The following FABP6 variants were observed in gnomAD, a reference collection of about 807,000 sequenced individuals.
FABP6 encodes the protein fatty acid binding protein 6.
Under a neutral mutation model 14.9 loss-of-function variants are expected in FABP6, and 13 were observed. The observed-to-expected ratio is 0.87, with a 90% confidence interval of 0.57 to 1.39. FABP6 has a LOEUF of 1.39. FABP6 is among the 40% of genes most tolerant of loss of function. FABP6 has a pLI of 0.00. For synonymous variants in FABP6, 75 were observed against 63.6 expected, an observed-to-expected ratio of 1.18 and a Z score of -0.85; for missense variants, 161 against 167.2, an observed-to-expected ratio of 0.96 and a Z score of 0.20.
In FABP6 at chr5:160,232,215, A is replaced by G. The variant is rs1237130448; in HGVS notation, c.185A>G (p.Asn62Ser). 4 of 1,613,246 alleles carry G rather than the reference A, an allele frequency of 2.5e-6. No homozygotes were observed. Among genetic ancestry groups the G allele is most frequent in the Non-Finnish European group, 3.4e-6 (4 of 1,179,666 alleles). ...QHYSGGHTMT[N>S]KFTVGKESNI... is the part of the protein sequence containing the mutation. ...TACTCCGGGGGCCACACCATGACCA[A>G]CAAGTTCACTGTTGGCAAGGAAAGC... The change falls in exon 2 of 4, where the codon AAC becomes AGC. Residue 62 changes from asparagine to serine, a missense_variant. Coordinates refer to ENST00000402432, the MANE Select transcript of FABP6 (RefSeq NM_001445.3).
At chr5:160,221,061 C>T (rs180982146) in intron 3 of FABP6, among the ~76,000 whole-genome samples, 1 of 148,314 alleles carries the variant, frequency 6.7e-6, no homozygotes, top group African/African-American at 2.5e-5. Flanking sequence ...TGCATTCCAG[C>T]CTGGGTGACA....
intron 3 of FABP6, 58 bp from the exon 4 acceptor site, chr5:160,238,548 C>T (rs772896857): frequency 8.7e-5 from 129 of 1,483,108 alleles, no homozygotes; most frequent in Non-Finnish European, 1.0e-4. Context: ...TTCAGCGGTG[C>T]CTCCTGGCTA....
intron 2 of FABP6, chr5:160,199,275 C>A: frequency 9.9e-7 from 1 of 1,007,872 alleles, no homozygotes; most frequent in Admixed American, 1.9e-5. Context: ...ATGCTAATAA[C>A]AGACTTGTCA....
At chr5:160,215,390 G>C (rs1333081712) in intron 3 of FABP6, among the ~76,000 whole-genome samples, 1 of 152,142 alleles carries the variant, frequency 6.6e-6, no homozygotes, top group Non-Finnish European at 1.5e-5. Flanking sequence ...GCAGGTGCCT[G>C]TAATCCCAGC....
upstream of FABP6, among the ~76,000 whole-genome samples, chr5:160,226,577 G>C (rs963727064): frequency 2.6e-5 from 4 of 151,682 alleles, no homozygotes; most frequent in Admixed American, 2.6e-4. Flanking sequence ...CTGGGGCTCT[G>C]TGACTTTGGC....
intron 2 of FABP6, among the ~76,000 whole-genome samples, chr5:160,206,558 T>C (rs1759771615): frequency 6.6e-6 from 1 of 152,194 alleles, no homozygotes; most frequent in Non-Finnish European, 1.5e-5. Context: ...ATACATCATG[T>C]TTCATACATG....
chr5:160,191,275 G>T (rs1458706178), intron 1 of FABP6, among the ~76,000 whole-genome samples: 1 of 151,978 alleles, frequency 6.6e-6, no homozygotes, highest in Non-Finnish European at 1.5e-5. Context: ...AGACCAGCCT[G>T]GCCAACATGG....
At chr5:160,190,766 T>C (rs545761706) in intron 1 of FABP6, among the ~76,000 whole-genome samples, 2 of 152,262 alleles carry the variant, frequency 1.3e-5, no homozygotes, top group South Asian at 2.1e-4. Context: ...TGAATCTATT[T>C]TGGGGCTAGA....
At chr5:160,220,960 G>T (rs1448104483) in intron 3 of FABP6, among the ~76,000 whole-genome samples, 1 of 151,662 alleles carries the variant, frequency 6.6e-6, no homozygotes, top group Non-Finnish European at 1.5e-5. Flanking sequence ...TGGTCTATGG[G>T]GGCCTGTAAT....
intron 3 of FABP6, chr5:160,213,870 G>T (rs1192705601): frequency 6.8e-7 from 1 of 1,469,680 alleles, no homozygotes; most frequent in Admixed American, 1.7e-5. Context: ...TTCAGATTCT[G>T]GTTCTAGTTC....
intron 3 of FABP6, among the ~76,000 whole-genome samples, chr5:160,218,435 C>A (rs1208862784): frequency 4.7e-5 from 7 of 147,638 alleles, no homozygotes; most frequent in Non-Finnish European, 8.9e-5. Flanking sequence ...AAAGCGCCAA[C>A]TGGATTTTCT....
upstream of FABP6, chr5:160,228,671 C>T: frequency 5.2e-6 from 2 of 384,152 alleles, no homozygotes; most frequent in South Asian, 3.8e-5. Flanking sequence ...ATCTTCAAGG[C>T]ACCTGGCACC....
chr5:160,215,739 A>AGT (rs1214934557), intron 3 of FABP6, among the ~76,000 whole-genome samples: 1 of 152,016 alleles, frequency 6.6e-6, no homozygotes, highest in Non-Finnish European at 1.5e-5. Context: ...GAACTGGGGA[A>AGT]GTGGAGGTGG....
chr5:160,217,613 TTTATC>T (rs1361409923), intron 3 of FABP6, among the ~76,000 whole-genome samples: 1 of 151,896 alleles, frequency 6.6e-6, no homozygotes, highest in African/African-American at 2.4e-5. Context: ...TTTATTTTAT[TTTATC>T]TTATTTATTT....
chr5:160,218,797 C>T (rs1760072621), intron 3 of FABP6, among the ~76,000 whole-genome samples: 1 of 149,222 alleles, frequency 6.7e-6, no homozygotes, highest in South Asian at 2.1e-4. Flanking sequence ...CTCATTCTGT[C>T]ACCCAGGCTG....
rs144901757 is a variant in FABP6 at position 160,210,960 on chromosome 5, C to T, written c.52-2776C>T. ...AATGAATGATTGCATGGGAGCGGGA[C>T]GACCTTTTGCCATCTGACTTTCTTC... On this transcript the variant is annotated intron_variant, in intron 2 of 6. Coordinates refer to the FABP6 transcript ENST00000393980. Among the ~76,000 whole-genome samples the T allele has an allele frequency of 8.5e-5, 13 of 152,262 alleles. No homozygotes were observed. In the East Asian group the frequency reaches 1.2e-3, roughly 14 times the overall value.
intron 2 of FABP6, among the ~76,000 whole-genome samples, chr5:160,207,698 C>T (rs1025394373): frequency 1.2e-4 from 18 of 149,956 alleles, no homozygotes; most frequent in African/African-American, 4.4e-4. Context: ...ATATGAGAGA[C>T]GGGACTGTAG....
chr5:160,228,830 C>T (rs1419211475), upstream of FABP6: 5 of 280,842 alleles, frequency 1.8e-5, no homozygotes, highest in African/African-American at 4.3e-5. Flanking sequence ...TTTCCATCTT[C>T]GTCACACTGT....
chr5:160,196,221 C>T (rs774884719), intron 1 of FABP6, among the ~76,000 whole-genome samples: 26 of 152,228 alleles, frequency 1.7e-4, no homozygotes, highest in African/African-American at 5.5e-4. Context: ...TCTCACTCCA[C>T]GGGGAGACCT....
Sources: gnomAD v4.1 joint callset for allele counts (sites outside exome capture counted in the v4.1 genomes callset) on GRCh38, gnomAD v4.1.1 for gene constraint, MANE v1.5 for transcripts, NCBI Gene and HGNC (gene_info 2026-07-23, HGNC 2026-07-21) for gene names.